Variants in HAT1 observed in about 807,000 individuals in gnomAD.
HAT1 encodes histone acetyltransferase 1, also known as histone acetyltransferase type B catalytic subunit.
Under a neutral mutation model 56.6 loss-of-function variants are expected in HAT1, and 20 were observed. The observed-to-expected ratio is 0.35, with a 90% CI of 0.25 to 0.51. The LOEUF is 0.51. HAT1 is among the 20% of genes least tolerant of loss of function. The probability of loss-of-function intolerance (pLI) is 0.95; values close to 1 mark genes in which losing one functional copy is unlikely to be tolerated. For missense variants in HAT1, 408 were observed against 504.3 expected, an observed-to-expected ratio of 0.81 and a Z score of 1.83; for synonymous variants, 146 against 165.5, an observed-to-expected ratio of 0.88 and a Z score of 0.91.
Position 171,947,604 on chromosome 2 carries a change from C to T in HAT1, c.188+821C>T, listed in dbSNP as rs187894685. Among the ~76,000 whole-genome samples the T allele has an allele frequency of 1.2e-4, 18 of 152,288 alleles. No homozygotes were observed. In the East Asian group the frequency reaches 2.7e-3, roughly 23 times the overall value. ...CTTTAAATATATGTCCCAGGCCAGGCGCAGTGGCTCATGCCTGTAATCCCA... is the reference window on the plus strand; with the variant it reads ...CTTTAAATATATGTCCCAGGCCAGGTGCAGTGGCTCATGCCTGTAATCCCA... On this transcript the variant is annotated intron_variant, in intron 3 of 10. Coordinates refer to ENST00000264108, the MANE Select transcript of HAT1 (RefSeq NM_003642.4).
At chr2:171,960,719 C>T (rs1259128136) in intron 4 of HAT1, among the ~76,000 whole-genome samples, 1 of 152,062 alleles carries the variant, frequency 6.6e-6, no homozygotes, top group Non-Finnish European at 1.5e-5. Flanking sequence ...TTGTCCTTGA[C>T]CTTTGCTTTT....
chr2:171,969,726 A>G (rs754342817), intron 8 of HAT1, among the ~76,000 whole-genome samples: 2 of 152,166 alleles, frequency 1.3e-5, no homozygotes, highest in Non-Finnish European at 2.9e-5. Flanking sequence ...TAAAACTGGA[A>G]ATTTTTTTGC....
chr2:171,983,053 A>AC (rs1688172306), intron 10 of HAT1, 132 bp from the exon 11 acceptor site: 1 of 533,386 alleles, frequency 1.9e-6, no homozygotes, highest in Non-Finnish European at 3.3e-6. Context: ...ACAAAACAAA[A>AC]AAAAAACATT....
At chr2:171,962,547 A>C (rs934285895) in intron 4 of HAT1, among the ~76,000 whole-genome samples, 4 of 152,138 alleles carry the variant, frequency 2.6e-5, no homozygotes, top group African/African-American at 9.7e-5. Context: ...GGTGCACACC[A>C]CCACGCCCAG....
intron 2 of HAT1, among the ~76,000 whole-genome samples, chr2:171,933,527 C>CA (rs879545426): frequency 5.3e-4 from 71 of 133,234 alleles, no homozygotes; most frequent in East Asian, 1.5e-3. Context: ...GACTCTGTCT[C>CA]AAAAAAAAAA....
At chr2:171,956,151 G>A (rs913165844) in intron 4 of HAT1, among the ~76,000 whole-genome samples, 4 of 140,316 alleles carry the variant, frequency 2.9e-5, no homozygotes, top group Non-Finnish European at 4.5e-5. Context: ...CTGCACTCCA[G>A]CCTGGGTGAC....
At chr2:171,978,261 G>C (rs1574070424) in intron 9 of HAT1, among the ~76,000 whole-genome samples, 1 of 151,958 alleles carries the variant, frequency 6.6e-6, no homozygotes, top group East Asian at 1.9e-4. Context: ...CCTACAGGCT[G>C]TTCTCAAACT....
intron 2 of HAT1, among the ~76,000 whole-genome samples, chr2:171,945,737 C>T (rs910638467): frequency 2.6e-5 from 4 of 151,754 alleles, no homozygotes; most frequent in East Asian, 3.9e-4. Context: ...GGCACGATCT[C>T]GGCTCACTGC....
intron 9 of HAT1, among the ~76,000 whole-genome samples, chr2:171,978,359 T>A (rs544492814): frequency 6.6e-6 from 1 of 152,226 alleles, no homozygotes; most frequent in African/African-American, 2.4e-5. Context: ...GTCTGCTTTT[T>A]AACTGTCACT....
chr2:171,932,566 TAC>T (rs1328890797), intron 2 of HAT1, among the ~76,000 whole-genome samples: 1 of 152,190 alleles, frequency 6.6e-6, no homozygotes, highest in Non-Finnish European at 1.5e-5. Context: ...ATTCCCCTGT[TAC>T]CATTTAAATG....
chr2:171,947,215 A>G (rs910988553), intron 3 of HAT1, among the ~76,000 whole-genome samples: 24 of 152,236 alleles, frequency 1.6e-4, no homozygotes, highest in African/African-American at 4.1e-4. Flanking sequence ...TTGTTATTCT[A>G]TGATCAAATA....
At chr2:171,966,301 G>T in intron 6 of HAT1, 108 bp from the exon 7 acceptor site, 1 of 729,752 alleles carries the variant, frequency 1.4e-6, no homozygotes. Flanking sequence ...GGCCCTCACA[G>T]AGTAGCTTGC....
chr2:171,923,533 C>G (rs1052335157), intron 1 of HAT1: 1 of 152,260 alleles, frequency 6.6e-6, no homozygotes, highest in East Asian at 1.9e-4. Context: ...GCCTCAGCTT[C>G]CCAAAGTGTT....
chr2:171,954,711 C>A (rs1226426653), intron 4 of HAT1, among the ~76,000 whole-genome samples: 5 of 152,176 alleles, frequency 3.3e-5, no homozygotes, highest in African/African-American at 9.6e-5. Flanking sequence ...GATGAGTATG[C>A]ATCTGTGGTA....
At chr2:171,931,705 G>C (rs945059283) in intron 2 of HAT1, among the ~76,000 whole-genome samples, 1 of 152,150 alleles carries the variant, frequency 6.6e-6, no homozygotes, top group African/African-American at 2.4e-5. Flanking sequence ...AGTACAGTCA[G>C]CTCTTTGTAT....
intron 2 of HAT1, among the ~76,000 whole-genome samples, chr2:171,930,740 G>A (rs1686722260): frequency 6.6e-6 from 1 of 151,808 alleles, no homozygotes; most frequent in Admixed American, 6.6e-5. Context: ...TCAGCCTCCT[G>A]AATAGCTGGG....
intron 4 of HAT1, among the ~76,000 whole-genome samples, chr2:171,958,046 AC>A (rs893870776): frequency 2.6e-5 from 4 of 152,026 alleles, no homozygotes; most frequent in African/African-American, 9.7e-5. Flanking sequence ...CTCTTTTGCC[AC>A]CCCTATGCCC....
chr2:171,948,721 A>T (rs1244296351), intron 3 of HAT1, among the ~76,000 whole-genome samples: 1 of 152,152 alleles, frequency 6.6e-6, no homozygotes, highest in Non-Finnish European at 1.5e-5. Context: ...ACATTTTTGT[A>T]GGGTATAGGC....
intron 1 of HAT1, chr2:171,923,140 C>T (rs549887758): frequency 3.9e-5 from 6 of 152,368 alleles, no homozygotes; most frequent in Non-Finnish European, 7.3e-5. Context: ...TAATACAATT[C>T]TCTTGTGTAC....
Sources: gnomAD v4.1 joint callset for allele counts (sites outside exome capture counted in the v4.1 genomes callset) on GRCh38, gnomAD v4.1.1 for gene constraint, MANE v1.5 for transcripts, NCBI Gene and HGNC (gene_info 2026-07-23, HGNC 2026-07-21) for gene names.